CNTNAP4: variants seen among roughly 807,000 people sequenced by gnomAD.
CNTNAP4 encodes the protein contactin-associated protein-like 4.
A neutral mutation model predicts 148.4 loss-of-function variants in CNTNAP4; 98 were observed. That is an observed-to-expected ratio of 0.66 (90% CI 0.56 to 0.78). The LOEUF is 0.78. Ranked by LOEUF, CNTNAP4 falls within the 30% of genes least tolerant of loss-of-function variation. The probability of loss-of-function intolerance (pLI) is 0.00; values close to 1 mark genes in which losing one functional copy is unlikely to be tolerated. For missense variants in CNTNAP4, 1,935 were observed against 1,565.6 expected (o/e 1.24, Z -3.98); for synonymous variants, 730 against 565.1 (o/e 1.29, Z -4.14).
intron 15 of CNTNAP4, among the ~76,000 whole-genome samples, chr16:76,501,093 G>T (rs911939078): frequency 6.6e-6 from 1 of 152,138 alleles, no homozygotes; most frequent in Non-Finnish European, 1.5e-5. Flanking sequence ...TATATACATT[G>T]TAAATACTGT....
chr16:76,396,699 T>C (rs144587372), intron 3 of CNTNAP4, among the ~76,000 whole-genome samples: 1 of 152,286 alleles, frequency 6.6e-6, no homozygotes, highest in African/African-American at 2.4e-5. Flanking sequence ...CCCATCTTTG[T>C]CAGCATCCTT....
chr16:76,313,117 AG>A (rs1961319844), intron 1 of CNTNAP4, among the ~76,000 whole-genome samples: 1 of 152,110 alleles, frequency 6.6e-6, no homozygotes. Flanking sequence ...GAATGTAAAA[AG>A]TTCCCCTTCT....
intron 17 of CNTNAP4, among the ~76,000 whole-genome samples, chr16:76,534,163 A>G (rs1012988308): frequency 1.3e-4 from 20 of 152,188 alleles, no homozygotes; most frequent in Non-Finnish European, 2.4e-4. Context: ...TTGAAGCACT[A>G]TGCCCATTTC....
chr16:76,452,832 C>CA (rs1222667473), intron 8 of CNTNAP4, 63 bp downstream of exon 8: 13 of 1,397,048 alleles, frequency 9.3e-6, no homozygotes, highest in Admixed American at 3.0e-5. Context: ...TCTCTGTGGC[C>CA]AAATTTTATG....
chr16:76,312,683 T>G (rs1961261988), intron 1 of CNTNAP4, among the ~76,000 whole-genome samples: 1 of 152,132 alleles, frequency 6.6e-6, no homozygotes, highest in African/African-American at 2.4e-5. Flanking sequence ...CCTAAAGAAA[T>G]AATAATTATA....
At chr16:76,466,155 T>C (rs183460819) in intron 9 of CNTNAP4, among the ~76,000 whole-genome samples, 100 of 152,256 alleles carry the variant, frequency 6.6e-4, no homozygotes, top group Admixed American at 2.4e-3. Context: ...GATTTTTAGG[T>C]CCCACAAATA....
rs769617865 is a variant in CNTNAP4 at position 76,295,954 on chromosome 16, C to T, written c.85+18207C>T. Among the ~76,000 whole-genome samples the T allele has an allele frequency of 1.4e-4, 22 of 152,076 alleles. 1 individual carries two copies. Among genetic ancestry groups the T allele is most frequent in the Non-Finnish European group, 2.1e-4 (14 of 68,032 alleles). On this transcript the variant is annotated intron_variant, in intron 1 of 23. Coordinates refer to ENST00000611870, the MANE Select transcript of CNTNAP4 (RefSeq NM_033401.5). ...TGCCTCAGCCTCCCAAGTAGACTAG[C>T]GGAGATTACAGACATGTGCCACCAT...
At chr16:76,533,276 A>G (rs2144224169) in intron 17 of CNTNAP4, among the ~76,000 whole-genome samples, 1 of 152,292 alleles carries the variant, frequency 6.6e-6, no homozygotes. Flanking sequence ...CATATAAGGA[A>G]GCTAAGGAAA....
chr16:76,493,544 A>G lies in CNTNAP4; in HGVS notation c.2081-1366A>G, dbSNP rs556344955. ...TCTATACCTTAAAAAACATTCAGTG[A>G]TTTCTATTTTATAGGGAAGACATGA... On this transcript the variant is annotated intron_variant, in intron 13 of 23. Coordinates refer to ENST00000611870, the MANE Select transcript of CNTNAP4 (RefSeq NM_033401.5). Among the ~76,000 whole-genome samples the G allele has an allele frequency of 2.6e-4, 39 of 152,158 alleles. No individual in the cohort carries two copies. The East Asian group carries it at 7.4e-3, about 29-fold the overall frequency.
At chr16:76,468,575 C>T (rs563202399) in intron 10 of CNTNAP4, among the ~76,000 whole-genome samples, 1 of 152,128 alleles carries the variant, frequency 6.6e-6, no homozygotes. Flanking sequence ...GCACCCTCCA[C>T]CTCCTTAGCT....
intron 3 of CNTNAP4, among the ~76,000 whole-genome samples, chr16:76,390,089 G>A (rs898893842): frequency 2.0e-5 from 3 of 152,186 alleles, no homozygotes; most frequent in Non-Finnish European, 4.4e-5. Context: ...CATCAGAGGA[G>A]CAAGGGAGCT....
intron 21 of CNTNAP4, among the ~76,000 whole-genome samples, chr16:76,547,888 G>A (rs7185702): frequency 0.32 from 47,975 of 152,050 alleles, 7,798 homozygotes; most frequent in African/African-American, 0.4. Flanking sequence ...TCCATCTCAA[G>A]GATATTTTAA....
chr16:76,455,988 A>C (rs908679267), intron 8 of CNTNAP4, among the ~76,000 whole-genome samples: 5 of 152,222 alleles, frequency 3.3e-5, no homozygotes, highest in Non-Finnish European at 5.9e-5. Context: ...TTTAGGCTGG[A>C]AGACAGAACA....
intron 11 of CNTNAP4, among the ~76,000 whole-genome samples, chr16:76,476,667 C>T (rs572623223): frequency 1.3e-4 from 20 of 152,230 alleles, no homozygotes; most frequent in Admixed American, 1.2e-3. Flanking sequence ...TCCATCTTCT[C>T]ACTGTGTCCT....
At chr16:76,498,766 T>C in intron 15 of CNTNAP4, 72 bp downstream of exon 15, 1 of 1,407,952 alleles carries the variant, frequency 7.1e-7, no homozygotes, top group Non-Finnish European at 9.5e-7. Context: ...CACTTAAGCA[T>C]CACGTTTCTA....
Position 76,494,926 on chromosome 16 carries a change from T to G in CNTNAP4, c.2097T>G (p.Ser699Arg). The G allele has an allele frequency of 6.2e-7, 1 of 1,613,314 alleles. No homozygotes were observed. The highest frequency in any genetic ancestry group is 8.5e-7 in the Non-Finnish European group (1 of 1,179,452). ...LVNKQDGTPL[S>R]WWVGRTNETQ... Reference sequence around the variant, plus strand: ...TTCTTTCAGATGGAACCCCTCTGAGTTGGTGGGTAGGAAGAACCAATGAAA... The same window carrying G: ...TTCTTTCAGATGGAACCCCTCTGAGGTGGTGGGTAGGAAGAACCAATGAAA... Residue 699 changes from serine to arginine, a missense_variant, in exon 14 of 24, where the codon AGT becomes AGG. Transcript: ENST00000611870.
chr16:76,552,419 C>G (rs1175403631), intron 21 of CNTNAP4, among the ~76,000 whole-genome samples: 1 of 152,088 alleles, frequency 6.6e-6, no homozygotes, highest in East Asian at 1.9e-4. Flanking sequence ...GCCTTCAAAG[C>G]CTATGATAAA....
chr16:76,533,254 C>T (rs1029017881), intron 17 of CNTNAP4, among the ~76,000 whole-genome samples: 1 of 152,018 alleles, frequency 6.6e-6, no homozygotes, highest in African/African-American at 2.4e-5. Flanking sequence ...TTAAACACAG[C>T]ATGGTATCAC....
intron 14 of CNTNAP4, among the ~76,000 whole-genome samples, chr16:76,495,948 C>G (rs1320732519): frequency 6.6e-6 from 1 of 151,708 alleles, no homozygotes; most frequent in Non-Finnish European, 1.5e-5. Context: ...CAACTAAATC[C>G]CATCACATCA....
Sources: gnomAD v4.1 joint callset for allele counts (sites outside exome capture counted in the v4.1 genomes callset) on GRCh38, gnomAD v4.1.1 for gene constraint, MANE v1.5 for transcripts, NCBI Gene and HGNC (gene_info 2026-07-23, HGNC 2026-07-21) for gene names.